Variants in MYCBPAP observed in about 807,000 individuals in gnomAD.
MYCBPAP encodes the protein MYCBP associated protein.
A neutral mutation model predicts 106.1 loss-of-function variants in MYCBPAP; 60 were observed. The ratio of observed to expected loss-of-function variants is 0.57; its 90% CI spans 0.46 to 0.70. The LOEUF (loss-of-function observed/expected upper bound fraction) is 0.70, where lower values mean the gene tolerates loss of function less well. Ranked by LOEUF, MYCBPAP falls within the 30% of genes least tolerant of loss-of-function variation. MYCBPAP has a pLI of 0.00. For synonymous variants in MYCBPAP, 407 were observed against 440.6 expected, an observed-to-expected ratio of 0.92 and a Z score of 0.95; for missense variants, 1,064 against 1,169.3, an observed-to-expected ratio of 0.91 and a Z score of 1.31.
chr17:50,519,803 G>A lies in MYCBPAP; in HGVS notation c.916+16G>A, dbSNP rs369431618. 1.2e-6 allele frequency: 2 copies of A among 1,610,774 alleles called. No individual in the cohort carries two copies. Among genetic ancestry groups the A allele is most frequent in the Non-Finnish European group, 8.5e-7 (1 of 1,178,674 alleles). On this transcript the variant is annotated intron_variant, in intron 7 of 18. Transcript: ENST00000323776. ...GTGGAGACAGGTGAGGCGCAGGGCT[G>A]TAAGCCAGCTAGCATCTTGTGCCTG... is the stretch of plus-strand genomic sequence containing the variant.
chr17:50,519,592 C>G (rs2143943837), intron 6 of MYCBPAP, 48 bp from the exon 7 acceptor site: 1 of 1,607,546 alleles, frequency 6.2e-7, no homozygotes, highest in South Asian at 1.1e-5. Flanking sequence ...CCACCAGCAT[C>G]TGGCTGAGGT....
At position 50,519,777 on chromosome 17, in the gene MYCBPAP, G is replaced by C; in HGVS notation, c.906G>C (p.Arg302=). 6.2e-7 allele frequency: 1 copy of C among 1,613,564 alleles called. No individual in the cohort carries two copies. The highest frequency in any genetic ancestry group is 8.5e-7 in the Non-Finnish European group (1 of 1,179,846). Residue 302 remains arginine (R), a synonymous_variant, in exon 7 of 19, where the codon CGG becomes CGC. Transcript: ENST00000323776. The part of the protein sequence containing the change: ...ITHIRKPHSI[R]VETGLPAQRD... Reference sequence around the variant, plus strand: ...ACATCAGGAAGCCCCACTCCATCCGGGTGGAGACAGGTGAGGCGCAGGGCT... The same window carrying C: ...ACATCAGGAAGCCCCACTCCATCCGCGTGGAGACAGGTGAGGCGCAGGGCT...
chr17:50,511,436 C>G (rs1027667594), intron 1 of MYCBPAP, among the ~76,000 whole-genome samples: 6 of 152,188 alleles, frequency 3.9e-5, no homozygotes, highest in African/African-American at 1.4e-4. Context: ...CCATGGTTCC[C>G]CCAGCCCAAC....
At chr17:50,525,783 G>T in intron 13 of MYCBPAP, 98 bp from the exon 14 acceptor site, 1 of 1,413,962 alleles carries the variant, frequency 7.1e-7, no homozygotes, top group Non-Finnish European at 9.4e-7. Context: ...GAGCCACTGT[G>T]CCTGGCCCTT....
chr17:50,529,069 A>T lies in MYCBPAP; in HGVS notation c.2605A>T (p.Lys869Ter). The T allele has an allele frequency of 6.2e-7, 1 of 1,614,162 alleles. No homozygotes were observed. Among genetic ancestry groups the T allele is most frequent in the Non-Finnish European group, 8.5e-7 (1 of 1,180,034 alleles). ...HKAKDDKKVI[K>*]SASQDRFSLE... ...GGCAAAGGATGACAAGAAAGTCATAAAATCTGCAAGTCAGGACAGGTTTTC... is the reference window on the plus strand; with the variant it reads ...GGCAAAGGATGACAAGAAAGTCATATAATCTGCAAGTCAGGACAGGTTTTC... Residue 869 changes from lysine (K) to a stop codon, truncating the protein, a stop_gained, in exon 18 of 19, where the codon AAA (lysine) becomes TAA (stop). Transcript: ENST00000323776. LOFTEE classifies it high-confidence loss of function.
intron 1 of MYCBPAP, among the ~76,000 whole-genome samples, chr17:50,512,349 C>T (rs1015862918): frequency 1.3e-5 from 2 of 152,184 alleles, no homozygotes; most frequent in African/African-American, 2.4e-5. Context: ...CCACCGCGCC[C>T]GGCCCCCCAG....
At position 50,522,936 on chromosome 17, in the gene MYCBPAP, C is replaced by T; in HGVS notation, c.1258-3C>T. On this transcript the variant is annotated splice_region_variant and splice_polypyrimidine_tract_variant and intron_variant, in intron 10 of 18. Coordinates refer to ENST00000323776, the MANE Select transcript of MYCBPAP (RefSeq NM_032133.6). ...AGACATTTCTTGTCCCTCCTCCTTC[C>T]AGAGGCAGGTTGGGATTGCTGCTCA... The T allele has an allele frequency of 6.2e-7, 1 of 1,606,072 alleles. No individual in the cohort carries two copies. The highest frequency in any genetic ancestry group is 8.5e-7 in the Non-Finnish European group (1 of 1,173,632).
intron 12 of MYCBPAP, among the ~76,000 whole-genome samples, chr17:50,524,140 A>T (rs2034373556): frequency 6.6e-6 from 1 of 152,212 alleles, no homozygotes; most frequent in Non-Finnish European, 1.5e-5. Context: ...AGTTGCATTT[A>T]AGCGACAAGA....
At chr17:50,528,102 T>C in intron 15 of MYCBPAP, 53 bp from the exon 16 acceptor site, 1 of 1,518,516 alleles carries the variant, frequency 6.6e-7, no homozygotes. Flanking sequence ...CCTCTGCAGG[T>C]TCAAGGACAA....
rs753129943 is a variant in MYCBPAP, at chr17:50,528,832, G to A, written c.2545G>A (p.Gly849Arg). ...KEDKKGAKLL[G>R]KEDRPNSKKH... The stretch of plus-strand genomic sequence containing the variant: ...AGACAAGAAAGGAGCCAAGCTGCTC[G>A]GGAAAGAGGCATGCTGGGGCGTGGT... The change falls in exon 17 of 19, where the codon GGG becomes AGG. Residue 849 changes from glycine to arginine, a missense_variant. Physicochemically the swap from Gly to Arg is moderately radical, Grantham distance 125 (BLOSUM62 -2). Transcript: ENST00000323776. 13 of 1,613,578 alleles carry A rather than the reference G, an allele frequency of 8.1e-6. No individual in the cohort carries two copies. Among genetic ancestry groups the A allele is most frequent in the East Asian group, 6.7e-5 (3 of 44,872 alleles).
In MYCBPAP at chr17:50,525,036, G is replaced by A. The variant is rs371970981; in HGVS notation, c.1782+13G>A. The A allele has an allele frequency of 4.2e-4, 680 of 1,607,218 alleles. No individual in the cohort carries two copies. The highest frequency in any genetic ancestry group is 5.4e-4 in the Non-Finnish European group (633 of 1,175,634). On this transcript the variant is annotated intron_variant, in intron 13 of 18. Coordinates refer to ENST00000323776, the MANE Select transcript of MYCBPAP (RefSeq NM_032133.6). The stretch of plus-strand genomic sequence containing the variant: ...CAGAAATCCTCCGGTGAGGCCCAGC[G>A]CCAGCCCCTGCCCCCTCATGTGTGC...
At chr17:50,513,734 G>A (rs1259785468) in intron 1 of MYCBPAP, among the ~76,000 whole-genome samples, 2 of 152,230 alleles carry the variant, frequency 1.3e-5, no homozygotes, top group Admixed American at 6.5e-5. Flanking sequence ...GATAAAGGAA[G>A]CAAATGTCCT....
At chr17:50,524,854 C>T (rs370674890) in intron 12 of MYCBPAP, 23 bp from the exon 13 acceptor site, 293 of 1,609,282 alleles carry the variant, frequency 1.8e-4, no homozygotes, top group Non-Finnish European at 2.4e-4. Flanking sequence ...GGCTGCCATC[C>T]TCTGCCACCT....
At chr17:50,523,846 G>A in intron 12 of MYCBPAP, 62 bp downstream of exon 12, 1 of 1,491,374 alleles carries the variant, frequency 6.7e-7, no homozygotes. Flanking sequence ...TGTTCTTCCT[G>A]GCAGTGACTG....
At position 50,531,461 on chromosome 17, in the gene MYCBPAP, G is replaced by T. The variant is rs772816945; in HGVS notation, c.*33G>T. The T allele has an allele frequency of 6.6e-7, 1 of 1,511,680 alleles. No individual in the cohort carries two copies. The highest frequency in any genetic ancestry group is 1.2e-5 in the South Asian group (1 of 83,338). 93.6% of individuals were successfully genotyped at this position (1,511,680 alleles called of 1,614,324 possible). A position where few individuals can be genotyped will look rare whatever the true frequency, so the allele number is the denominator to read the frequency against. ...GCCCAAGCAACCTTCTGGAAAACGG[G>T]TTAATAAATAAATCAATAAAGAACC... On this transcript the variant is annotated 3_prime_UTR_variant, in exon 19 of 19. Coordinates refer to ENST00000323776, the MANE Select transcript of MYCBPAP (RefSeq NM_032133.6).
intron 18 of MYCBPAP, 29 bp downstream of exon 18, chr17:50,529,217 C>G (rs760814225): frequency 6.3e-7 from 1 of 1,594,796 alleles, no homozygotes; most frequent in Non-Finnish European, 8.5e-7. Flanking sequence ...CAGCCATTCC[C>G]CTGCCTCCCA....
intron 17 of MYCBPAP, 66 bp downstream of exon 17, chr17:50,528,906 G>T: frequency 2.5e-6 from 4 of 1,601,460 alleles, no homozygotes; most frequent in Non-Finnish European, 3.4e-6. Context: ...GCGGAGGTGG[G>T]GGCTGTGGAG....
intron 1 of MYCBPAP, chr17:50,510,337 T>G (rs1176028668): frequency 2.0e-5 from 3 of 151,554 alleles, no homozygotes; most frequent in African/African-American, 7.3e-5. Flanking sequence ...ATCACACCTG[T>G]GAATAGCCAC....
At chr17:50,516,369 G>A (rs1234930950) in intron 1 of MYCBPAP, among the ~76,000 whole-genome samples, 3 of 152,154 alleles carry the variant, frequency 2.0e-5, no homozygotes, top group Non-Finnish European at 1.5e-5. Flanking sequence ...GTGGGTAGGG[G>A]GACCCTCCAG....
Sources: allele counts gnomAD v4.1 joint callset (sites outside exome capture counted in the v4.1 genomes callset), GRCh38; gene constraint gnomAD v4.1.1; transcripts MANE v1.5; gene names NCBI Gene and HGNC (gene_info 2026-07-23, HGNC 2026-07-21).